Variants in SVIL observed in about 807,000 individuals in gnomAD.
The protein encoded by SVIL is archvillin.
In SVIL, 101 loss-of-function variants were observed where a neutral mutation model predicts 240.4. The observed-to-expected ratio is 0.42, with a 90% CI of 0.36 to 0.50. The LOEUF (loss-of-function observed/expected upper bound fraction) is 0.50, where lower values mean the gene tolerates loss of function less well. SVIL is among the 20% of genes least tolerant of loss of function. SVIL has a pLI of 0.01. For synonymous variants in SVIL, 999 were observed against 1,100.0 expected (o/e 0.91, Z 1.82); for missense variants, 2,512 against 2,818.7 (o/e 0.89, Z 2.46).
At chr10:29,465,235 A>G (rs945442897) in intron 34 of SVIL, among the ~76,000 whole-genome samples, 5 of 152,152 alleles carry the variant, frequency 3.3e-5, no homozygotes, top group African/African-American at 7.2e-5. Flanking sequence ...ATGCAAACAT[A>G]ATGGCTGGAG....
rs143623093 is a variant in SVIL at position 29,534,446 on chromosome 10, T to C, written c.909-988A>G. ...TGAATCCAGGAGTTTGAGGCTGCAG[T>C]GAGCTATGATTGTACAGCTACACTC... On this transcript the variant is annotated intron_variant, in intron 7 of 37. Coordinates refer to ENST00000355867, the MANE Select transcript of SVIL (RefSeq NM_021738.3). Among the ~76,000 whole-genome samples, 353 of 152,236 alleles carry C rather than the reference T, an allele frequency of 2.3e-3. 6 individuals carry two copies. The South Asian group carries it at 0.026, about 11-fold the overall frequency.
intron 1 of SVIL, among the ~76,000 whole-genome samples, chr10:29,597,700 T>C (rs1283518223): frequency 1.3e-5 from 2 of 152,030 alleles, no homozygotes; most frequent in Non-Finnish European, 2.9e-5. Context: ...ACGCCAGGCC[T>C]AAAACCTTTT....
chr10:29,529,923 C>A (rs1019830188), intron 11 of SVIL, 79 bp from the exon 12 acceptor site: 3 of 1,430,218 alleles, frequency 2.1e-6, no homozygotes, highest in Non-Finnish European at 2.8e-6. Context: ...GTAATCCCAG[C>A]ACTTTGGGAG....
chr10:29,529,966 T>C (rs1951240707), intron 11 of SVIL, 122 bp from the exon 12 acceptor site: 1 of 1,021,084 alleles, frequency 9.8e-7, no homozygotes, highest in Non-Finnish European at 1.4e-6. Context: ...AGGCCAAGAG[T>C]TCAAGACCAG....
chr10:29,606,844 T>C (rs1030611366), intron 1 of SVIL, among the ~76,000 whole-genome samples: 5 of 152,196 alleles, frequency 3.3e-5, no homozygotes, highest in Non-Finnish European at 5.9e-5. Context: ...AACCTCTGCC[T>C]CCTGTGTTCA....
intron 6 of SVIL, among the ~76,000 whole-genome samples, chr10:29,549,064 T>A (rs887195395): frequency 2.0e-5 from 3 of 150,834 alleles, no homozygotes; most frequent in Non-Finnish European, 4.4e-5. Context: ...GAAACTACCA[T>A]CAGAGTGAAC....
intron 28 of SVIL, among the ~76,000 whole-genome samples, 181 bp downstream of exon 28, chr10:29,481,403 A>G (rs1473731897): frequency 3.3e-5 from 5 of 151,992 alleles, no homozygotes; most frequent in African/African-American, 9.7e-5. Flanking sequence ...CTGTTTTCCA[A>G]TACTGTATTG....
chr10:29,564,073 A>C (rs1954753644), intron 2 of SVIL, among the ~76,000 whole-genome samples: 1 of 151,124 alleles, frequency 6.6e-6, no homozygotes, highest in African/African-American at 2.4e-5. Flanking sequence ...CAGGCCCTCC[A>C]CACGGCCCTG....
intron 18 of SVIL, 117 bp downstream of exon 18, chr10:29,498,999 G>T: frequency 7.1e-7 from 1 of 1,416,958 alleles, no homozygotes; most frequent in Non-Finnish European, 9.4e-7. Context: ...AACTTAAAAA[G>T]ACCATGGTTT....
chr10:29,536,009 T>C lies in SVIL; in HGVS notation c.888A>G (p.Ser296=), dbSNP rs1160002314. 6.2e-7 allele frequency: 1 copy of C among 1,614,230 alleles called. No individual in the cohort carries two copies. The highest frequency in any genetic ancestry group is 8.5e-7 in the Non-Finnish European group (1 of 1,180,036). Residue 296 remains serine, a synonymous_variant, in exon 7 of 38, where the codon TCA becomes TCG. Coordinates refer to ENST00000355867, the MANE Select transcript of SVIL (RefSeq NM_021738.3). ...GGTACCTGGAAGGCCAGTTGATAAG[T>C]GAAGGTGTGTCCCCTTCGGAATCTT... is the stretch of plus-strand genomic sequence containing the variant. The part of the protein sequence containing the change: ...LQKDSEGDTP[S]LINWPSRVKV...
intron 1 of SVIL, among the ~76,000 whole-genome samples, chr10:29,594,166 A>AT (rs1956493180): frequency 6.6e-6 from 1 of 152,226 alleles, no homozygotes; most frequent in Non-Finnish European, 1.5e-5. Flanking sequence ...ACTTAAGGCC[A>AT]TGTATATAAG....
At chr10:29,605,729 ATT>A (rs202041662) in intron 1 of SVIL, among the ~76,000 whole-genome samples, 4,943 of 138,936 alleles carry the variant, frequency 0.036, 143 homozygotes, top group Admixed American at 0.087. Flanking sequence ...ATATATATAT[ATT>A]ATTTACATAA....
rs552040008 is a variant in SVIL, at chr10:29,500,560, A to C, written c.3517-1297T>G. Among the ~76,000 whole-genome samples the C allele has an allele frequency of 5.3e-5, 8 of 152,258 alleles. No individual in the cohort carries two copies. The East Asian group carries it at 1.5e-3, about 29-fold the overall frequency. On this transcript the variant is annotated intron_variant, in intron 17 of 37. Transcript: ENST00000355867. Reference sequence around the variant, plus strand: ...GCTGCTGCTAGCGCATCCGCTTTCAAACTACATCTGAGCACTCCACACCTT... The same window carrying C: ...GCTGCTGCTAGCGCATCCGCTTTCACACTACATCTGAGCACTCCACACCTT...
intron 31 of SVIL, 110 bp downstream of exon 31, chr10:29,471,028 G>T: frequency 2.0e-6 from 2 of 1,015,812 alleles, no homozygotes; most frequent in Non-Finnish European, 3.0e-6. Context: ...GCTTTCAGAG[G>T]TCGAGCCACA....
intron 1 of SVIL, among the ~76,000 whole-genome samples, chr10:29,582,743 A>C (rs1454749223): frequency 6.7e-6 from 1 of 148,524 alleles, no homozygotes; most frequent in Non-Finnish European, 1.5e-5. Flanking sequence ...AATAATAATA[A>C]TAATAATAAT....
chr10:29,585,748 A>G (rs1956140078), intron 1 of SVIL, among the ~76,000 whole-genome samples: 2 of 152,150 alleles, frequency 1.3e-5, no homozygotes, highest in South Asian at 4.1e-4. Context: ...GTGCCCCAAG[A>G]TCTCTGGAGG....
At chr10:29,528,032 A>G (rs571925262) in intron 12 of SVIL, among the ~76,000 whole-genome samples, 5 of 152,138 alleles carry the variant, frequency 3.3e-5, no homozygotes, top group Admixed American at 1.3e-4. Flanking sequence ...CCCGGCCTCA[A>G]TCTACTTTTT....
rs543006440 is a variant in SVIL at position 29,466,470 on chromosome 10, A to G, written c.5978-720T>C. 1.8e-3 allele frequency among the ~76,000 whole-genome samples: 274 copies of G among 152,320 alleles called. 12 individuals carry two copies. The South Asian group carries it at 0.056, about 31-fold the overall frequency. ...AACTTGGCCCGAGCTGATACATGCT[A>G]TCAGATTTTATGACAAGCACAGCGG... On this transcript the variant is annotated intron_variant, in intron 33 of 37. Transcript: ENST00000355867.
intron 2 of SVIL, among the ~76,000 whole-genome samples, chr10:29,659,332 T>C (rs748904463): frequency 2.5e-4 from 38 of 152,320 alleles, no homozygotes; most frequent in Non-Finnish European, 4.8e-4. Context: ...TCTTAGGCTA[T>C]TGAGTTCCAT....
Sources: allele counts gnomAD v4.1 joint callset (sites outside exome capture counted in the v4.1 genomes callset), GRCh38; gene constraint gnomAD v4.1.1; transcripts MANE v1.5; gene names NCBI Gene and HGNC (gene_info 2026-07-23, HGNC 2026-07-21).